Variants in SYCP2L observed in about 807,000 individuals in gnomAD.
SYCP2L encodes the protein synaptonemal complex protein 2-like.
A neutral mutation model predicts 125.8 loss-of-function variants in SYCP2L; 98 were observed. That is an observed-to-expected ratio of 0.78 (90% CI 0.66 to 0.92). SYCP2L has a LOEUF of 0.92. SYCP2L is among the 40% of genes least tolerant of loss of function. The pLI, the probability that SYCP2L is intolerant of heterozygous loss-of-function variation, is 0.00. For missense variants in SYCP2L, 842 were observed against 936.4 expected (o/e 0.90, Z 1.32); for synonymous variants, 317 against 325.4 (o/e 0.97, Z 0.28).
intron 25 of SYCP2L, among the ~76,000 whole-genome samples, chr6:10,958,209 TA>T (rs930969315): frequency 3.0e-5 from 4 of 134,150 alleles, no homozygotes; most frequent in African/African-American, 1.2e-4. Flanking sequence ...CTGGATAATT[TA>T]TTTTTTTTTA....
chr6:10,952,930 G>T (rs1485597556), intron 23 of SYCP2L, among the ~76,000 whole-genome samples: 1 of 152,176 alleles, frequency 6.6e-6, no homozygotes, highest in African/African-American at 2.4e-5. Context: ...GCTCCTATAA[G>T]ATGCCTCTCA....
chr6:10,902,684 T>C lies in SYCP2L; in HGVS notation c.474T>C (p.Ile158=), dbSNP rs774122839. ...IISRSSSEGK[I]QMLDSFLLSL... ...TTGAAATTATACTTTCAGGGAAAAT[T>C]CAGATGTTGGATTCCTTCCTACTTA... The change falls in exon 7 of 30, where the codon ATT becomes ATC. Residue 158 remains isoleucine (I), a synonymous_variant. Coordinates refer to ENST00000283141, the MANE Select transcript of SYCP2L (RefSeq NM_001040274.3). 2.5e-6 allele frequency: 4 copies of C among 1,613,076 alleles called. No individual in the cohort carries two copies. The South Asian group carries it at 3.3e-5, about 13-fold the overall frequency.
intron 20 of SYCP2L, among the ~76,000 whole-genome samples, chr6:10,932,896 G>A (rs1463118568): frequency 6.6e-6 from 1 of 152,166 alleles, no homozygotes; most frequent in African/African-American, 2.4e-5. Flanking sequence ...TGGGATTACA[G>A]GCGTCTGCCA....
intron 23 of SYCP2L, among the ~76,000 whole-genome samples, chr6:10,952,084 G>A (rs528622124): frequency 3.9e-5 from 6 of 152,260 alleles, no homozygotes; most frequent in South Asian, 2.1e-4. Context: ...ACTTGACTGC[G>A]TTTGTGTTTA....
chr6:10,921,850 C>T (rs574946718), intron 14 of SYCP2L, among the ~76,000 whole-genome samples: 16 of 152,036 alleles, frequency 1.1e-4, no homozygotes, highest in South Asian at 2.1e-4. Flanking sequence ...GGACTACAGG[C>T]GCCCGCCACC....
intron 14 of SYCP2L, among the ~76,000 whole-genome samples, chr6:10,924,094 T>A (rs1363320897): frequency 6.6e-6 from 1 of 152,214 alleles, no homozygotes. Context: ...ATTTTCAATT[T>A]TAGAAATAAG....
intron 4 of SYCP2L, among the ~76,000 whole-genome samples, chr6:10,895,154 C>T (rs544844261): frequency 2.0e-4 from 30 of 152,270 alleles, no homozygotes; most frequent in East Asian, 5.8e-4. Flanking sequence ...CCTGTTGATA[C>T]GCCAACTTCT....
chr6:10,973,505 C>T (rs1781810733), intron 29 of SYCP2L, among the ~76,000 whole-genome samples: 1 of 152,148 alleles, frequency 6.6e-6, no homozygotes, highest in African/African-American at 2.4e-5. Context: ...GCACTCCAGC[C>T]TTGCGACAGA....
intron 5 of SYCP2L, 121 bp from the exon 6 acceptor site, chr6:10,898,703 C>CAGGCA: frequency 1.4e-6 from 1 of 728,472 alleles, no homozygotes; most frequent in Non-Finnish European, 2.4e-6. Context: ...CTCTAAAATG[C>CAGGCA]TTTTCTTCTG....
chr6:10,960,653 T>G (rs1781578039), intron 26 of SYCP2L, among the ~76,000 whole-genome samples: 1 of 152,014 alleles, frequency 6.6e-6, no homozygotes, highest in Non-Finnish European at 1.5e-5. Context: ...AGGGCCAGCT[T>G]AATGCAAGAG....
At chr6:10,902,558 G>A (rs1223433699) in intron 6 of SYCP2L, 119 bp from the exon 7 acceptor site, 1 of 776,658 alleles carries the variant, frequency 1.3e-6, no homozygotes, top group African/African-American at 1.8e-5. Context: ...AGCCTGCAAA[G>A]TGGGTTATAT....
intron 14 of SYCP2L, among the ~76,000 whole-genome samples, chr6:10,918,832 C>G (rs1780738096): frequency 6.6e-6 from 1 of 152,226 alleles, no homozygotes; most frequent in Non-Finnish European, 1.5e-5. Flanking sequence ...CCATGCCCGG[C>G]TGACTTTCTT....
intron 1 of SYCP2L, among the ~76,000 whole-genome samples, chr6:10,887,743 A>AGGAC (rs1386470714): frequency 6.6e-6 from 1 of 152,184 alleles, no homozygotes; most frequent in East Asian, 1.9e-4. Context: ...TTTGTTAGTG[A>AGGAC]GGACGCCAGG....
At chr6:10,902,811 A>G (rs1561681768) in intron 7 of SYCP2L, 49 bp downstream of exon 7, 2 of 1,610,668 alleles carry the variant, frequency 1.2e-6, no homozygotes, top group East Asian at 4.5e-5. Flanking sequence ...GAAACCTAAA[A>G]GAAGATCGTA....
chr6:10,937,932 C>A (rs768374971), intron 21 of SYCP2L, among the ~76,000 whole-genome samples: 1 of 152,104 alleles, frequency 6.6e-6, no homozygotes, highest in African/African-American at 2.4e-5. Context: ...AACCTCCCAA[C>A]GGAGAGTAGC....
At chr6:10,965,162 G>A (rs984055356) in intron 29 of SYCP2L, among the ~76,000 whole-genome samples, 6 of 152,056 alleles carry the variant, frequency 3.9e-5, no homozygotes, top group African/African-American at 1.4e-4. Context: ...ATTGATGGGA[G>A]GAATGAAGAC....
chr6:10,966,282 C>G (rs2113427379), intron 29 of SYCP2L, among the ~76,000 whole-genome samples: 1 of 152,252 alleles, frequency 6.6e-6, no homozygotes, highest in South Asian at 2.1e-4. Context: ...CATTAATTAC[C>G]AGTAGATCTA....
intron 21 of SYCP2L, among the ~76,000 whole-genome samples, chr6:10,938,138 A>G (rs1226142566): frequency 2.0e-5 from 3 of 152,210 alleles, no homozygotes; most frequent in Non-Finnish European, 4.4e-5. Context: ...AATGTCTCTG[A>G]TGAACGTATA....
intron 21 of SYCP2L, among the ~76,000 whole-genome samples, chr6:10,936,806 A>C (rs971433278): frequency 6.6e-6 from 1 of 152,220 alleles, no homozygotes; most frequent in African/African-American, 2.4e-5. Flanking sequence ...TTATACCTAC[A>C]TCAGGCAAAA....
Sources: allele counts gnomAD v4.1 joint callset (sites outside exome capture counted in the v4.1 genomes callset), GRCh38; gene constraint gnomAD v4.1.1; transcripts MANE v1.5; gene names NCBI Gene and HGNC (gene_info 2026-07-23, HGNC 2026-07-21).